The following STRA8 variants were observed in gnomAD, a reference collection of about 807,000 sequenced individuals.
STRA8 encodes stimulated by retinoic acid 8.
A neutral mutation model predicts 37.1 loss-of-function variants in STRA8; 18 were observed. That is an observed-to-expected ratio of 0.48 (90% CI 0.34 to 0.72). The LOEUF (loss-of-function observed/expected upper bound fraction) is 0.72, where lower values mean the gene tolerates loss of function less well. STRA8 is among the 30% of genes least tolerant of loss of function. The pLI is 0.01. For synonymous variants in STRA8, 168 were observed against 162.9 expected (o/e 1.03, Z -0.24); for missense variants, 357 against 410.4 (o/e 0.87, Z 1.13).
chr7:135,233,118 A>G (rs1832317370), upstream of STRA8, among the ~76,000 whole-genome samples: 2 of 152,228 alleles, frequency 1.3e-5, no homozygotes, highest in Non-Finnish European at 2.9e-5. Context: ...AAAGAAGCCT[A>G]AACGAGAGTA....
intron 1 of STRA8, among the ~76,000 whole-genome samples, chr7:135,237,100 T>C (rs1832388909): frequency 6.6e-6 from 1 of 152,108 alleles, no homozygotes; most frequent in South Asian, 2.1e-4. Flanking sequence ...CCATAGAAAC[T>C]GAAGACAGGG....
Position 135,255,155 on chromosome 7 carries a change from A to C in STRA8, c.995A>C (p.Lys332Thr). 1 of 1,614,122 alleles carries C rather than the reference A, an allele frequency of 6.2e-7. No homozygotes were observed. The change falls in exon 8 of 9, where the codon AAG becomes ACG. Residue 332 changes from lysine to threonine, a missense_variant. Transcript: ENST00000662584. ...ASCNPENPEE[K>T]FQLYMQIINF... ...TGCAACCCAGAAAACCCAGAGGAGAAGTTTCAGCTCTATATGCAGATCATC... is the reference window on the plus strand; with the variant it reads ...TGCAACCCAGAAAACCCAGAGGAGACGTTTCAGCTCTATATGCAGATCATC...
intron 7 of STRA8, 105 bp downstream of exon 7, chr7:135,251,974 A>T: frequency 3.1e-6 from 3 of 967,208 alleles, no homozygotes; most frequent in South Asian, 1.3e-5. Context: ...GAATGTGGTA[A>T]GTCAGAGACA....
chr7:135,247,948 A>G (rs1311390224), intron 6 of STRA8, among the ~76,000 whole-genome samples: 2 of 152,244 alleles, frequency 1.3e-5, no homozygotes, highest in Non-Finnish European at 2.9e-5. Flanking sequence ...CATTCTGCAC[A>G]TGCCCTGTGC....
intron 6 of STRA8, among the ~76,000 whole-genome samples, chr7:135,251,385 G>A (rs1346635905): frequency 1.3e-5 from 2 of 152,182 alleles, no homozygotes; most frequent in Non-Finnish European, 2.9e-5. Context: ...TCTGGATTCA[G>A]CTGTCCTGGC....
chr7:135,255,733 G>T (rs1832695806), intron 8 of STRA8, among the ~76,000 whole-genome samples: 1 of 152,228 alleles, frequency 6.6e-6, no homozygotes, highest in Admixed American at 6.5e-5. Flanking sequence ...CCCCAGGTCT[G>T]TGGGAAAATT....
chr7:135,252,758 C>T (rs968452726), intron 7 of STRA8, among the ~76,000 whole-genome samples: 7 of 152,124 alleles, frequency 4.6e-5, no homozygotes, highest in Non-Finnish European at 5.9e-5. Flanking sequence ...TACTAAATGC[C>T]ATAGGCTGGA....
At chr7:135,251,324 C>T (rs543754515) in intron 6 of STRA8, among the ~76,000 whole-genome samples, 5 of 152,318 alleles carry the variant, frequency 3.3e-5, no homozygotes, top group African/African-American at 1.2e-4. Flanking sequence ...GCAAGGGACA[C>T]AGGCCTGGGA....
chr7:135,249,453 G>A (rs1337250898), intron 6 of STRA8, among the ~76,000 whole-genome samples: 1 of 152,106 alleles, frequency 6.6e-6, no homozygotes, highest in Admixed American at 6.6e-5. Flanking sequence ...GCGTGGTGGC[G>A]AGTGCCTGTA....
At position 135,240,701 on chromosome 7, in the gene STRA8, T is replaced by C. The variant is rs1387846619; in HGVS notation, c.177T>C (p.Asp59=). The change falls in exon 2 of 9, where the codon GAT becomes GAC. Residue 59 remains aspartate (D), a synonymous_variant. Transcript: ENST00000662584. ...GGAAGACAGTGTACTCTCAGTCTGA[T>C]CTCATAGCCTCAAAGGTATGGGGAC... The part of the protein sequence containing the change: ...NLRKTVYSQS[D]LIASKWQVLN... 3 of 1,613,870 alleles carry C rather than the reference T, an allele frequency of 1.9e-6. No individual in the cohort carries two copies. The East Asian group carries it at 6.7e-5, about 36-fold the overall frequency.
intron 7 of STRA8, among the ~76,000 whole-genome samples, chr7:135,252,630 G>T (rs1365344593): frequency 6.6e-6 from 1 of 152,128 alleles, no homozygotes; most frequent in East Asian, 1.9e-4. Context: ...GGACATACCA[G>T]GTTATCAGCT....
chr7:135,258,112 G>A (rs903780091), intron 8 of STRA8, among the ~76,000 whole-genome samples: 10 of 152,202 alleles, frequency 6.6e-5, no homozygotes, highest in African/African-American at 2.2e-4. Context: ...TGAGCATTTG[G>A]ATAAAGCCTT....
intron 1 of STRA8, among the ~76,000 whole-genome samples, chr7:135,237,675 G>A (rs573128585): frequency 1.3e-5 from 2 of 152,156 alleles, no homozygotes; most frequent in East Asian, 3.9e-4. Flanking sequence ...AGGCGGATCA[G>A]GAGGTCAGGA....
chr7:135,235,683 T>C (rs890269480), intron 1 of STRA8, among the ~76,000 whole-genome samples: 3 of 152,116 alleles, frequency 2.0e-5, no homozygotes. Flanking sequence ...CTCAGGTGAT[T>C]CACCCGCCTT....
intron 7 of STRA8, among the ~76,000 whole-genome samples, chr7:135,253,365 C>T (rs1010099415): frequency 2.6e-5 from 4 of 152,146 alleles, no homozygotes; most frequent in Admixed American, 6.5e-5. Context: ...ATATGAATTT[C>T]GGAAGAACAC....
chr7:135,250,427 C>T (rs1191916831), intron 6 of STRA8, among the ~76,000 whole-genome samples: 1 of 152,050 alleles, frequency 6.6e-6, no homozygotes, highest in Non-Finnish European at 1.5e-5. Flanking sequence ...TTTCTGTGGC[C>T]CCTTTCCAGA....
intron 7 of STRA8, among the ~76,000 whole-genome samples, chr7:135,253,216 G>T (rs1832660203): frequency 6.6e-6 from 1 of 152,220 alleles, no homozygotes; most frequent in Non-Finnish European, 1.5e-5. Context: ...TTACAGGCGT[G>T]AGCCACAGCG....
chr7:135,252,020 G>GTGTGTGTC, intron 7 of STRA8, 151 bp downstream of exon 7: 8 of 674,414 alleles, frequency 1.2e-5, no homozygotes, highest in Non-Finnish European at 2.1e-5. Flanking sequence ...GAGAGTGTGT[G>GTGTGTGTC]TGTGTGTGTG....
At chr7:135,256,863 G>A (rs141540976) in intron 8 of STRA8, among the ~76,000 whole-genome samples, 3 of 152,300 alleles carry the variant, frequency 2.0e-5, no homozygotes, top group African/African-American at 4.8e-5. Flanking sequence ...CTAGATTCCC[G>A]ATGCCTCAGT....
Sources: gnomAD v4.1 joint callset for allele counts (sites outside exome capture counted in the v4.1 genomes callset) on GRCh38, gnomAD v4.1.1 for gene constraint, MANE v1.5 for transcripts, NCBI Gene and HGNC (gene_info 2026-07-23, HGNC 2026-07-21) for gene names.